The following CADPS2 variants were observed in gnomAD, a reference collection of about 807,000 sequenced individuals.
CADPS2 encodes calcium-dependent secretion activator 2.
A neutral mutation model predicts 172.5 loss-of-function variants in CADPS2; 93 were observed. The ratio of observed to expected loss-of-function variants is 0.54; its 90% CI spans 0.46 to 0.64. The LOEUF is 0.64. Among genes scored for constraint, CADPS2 ranks in the 30% least tolerant of loss-of-function variants. The pLI, the probability that CADPS2 is intolerant of heterozygous loss-of-function variation, is 0.00. For missense variants in CADPS2, 1,420 were observed against 1,565.9 expected (o/e 0.91, Z 1.57); for synonymous variants, 546 against 555.2 (o/e 0.98, Z 0.23).
intron 8 of CADPS2, among the ~76,000 whole-genome samples, chr7:122,550,571 AAC>A (rs2064150063): frequency 6.6e-6 from 1 of 152,184 alleles, no homozygotes; most frequent in African/African-American, 2.4e-5. Context: ...TAATTGTCAT[AAC>A]AGTCATTTAT....
rs5887096 is a variant in CADPS2, at chr7:122,527,416, T to TA, written c.1476-14102dup. Among the ~76,000 whole-genome samples, 145 of 145,482 alleles carry TA rather than the reference T, an allele frequency of 1.0e-3. 2 individuals carry two copies. The highest frequency in any genetic ancestry group is 3.4e-3 in the African/African-American group (133 of 39,636). ...AGATTTCTAACTCTCACTAATATGCTAAAAAAAAAAAAAACACAAAACTGT... is the reference window on the plus strand; with the variant it reads ...AGATTTCTAACTCTCACTAATATGCTAAAAAAAAAAAAAAACACAAAACTGT... On this transcript the variant is annotated intron_variant, in intron 8 of 29. Coordinates refer to ENST00000449022, the MANE Select transcript of CADPS2 (RefSeq NM_017954.11).
intron 3 of CADPS2, among the ~76,000 whole-genome samples, chr7:122,641,269 A>G (rs2077613852): frequency 6.6e-6 from 1 of 152,224 alleles, no homozygotes; most frequent in South Asian, 2.1e-4. Context: ...AGTTTCTATT[A>G]TACAGATAAT....
chr7:122,571,833 CTA>C (rs2067301505), intron 7 of CADPS2, among the ~76,000 whole-genome samples: 1 of 152,040 alleles, frequency 6.6e-6, no homozygotes, highest in Non-Finnish European at 1.5e-5. Context: ...CTCTAATTAT[CTA>C]GTTTATAAGT....
intron 3 of CADPS2, among the ~76,000 whole-genome samples, chr7:122,638,073 G>A (rs2077245978): frequency 6.6e-6 from 1 of 152,174 alleles, no homozygotes; most frequent in African/African-American, 2.4e-5. Context: ...TCAGGGGAGA[G>A]AGAGCTGACA....
intron 8 of CADPS2, among the ~76,000 whole-genome samples, chr7:122,544,659 A>C (rs1178594293): frequency 6.6e-6 from 1 of 152,138 alleles, no homozygotes; most frequent in African/African-American, 2.4e-5. Flanking sequence ...GTGTGTCCTC[A>C]TGGTGAAGGA....
chr7:122,642,542 C>T (rs370481286), intron 3 of CADPS2, among the ~76,000 whole-genome samples: 1,350 of 70,258 alleles, frequency 0.019, 11 homozygotes, highest in Non-Finnish European at 0.024. Flanking sequence ...AAGTTTCACC[C>T]AACAGCTTTT....
In CADPS2 at chr7:122,642,468, C is replaced by G. The variant is rs35577980; in HGVS notation, c.787-13140G>C. 5.0e-3 allele frequency among the ~76,000 whole-genome samples: 754 copies of G among 151,850 alleles called. 1 individual carries two copies. Among genetic ancestry groups the G allele is most frequent in the Non-Finnish European group, 8.9e-3 (608 of 67,966 alleles). On this transcript the variant is annotated intron_variant, in intron 3 of 29. Transcript: ENST00000449022. ...CAGAAGTCCTAGGGAGAACTGGAAG[C>G]CTGTGCTGGCAGCCAACTATCCTAC... is the stretch of plus-strand genomic sequence containing the variant.
At chr7:122,805,228 C>T (rs577000259) in intron 1 of CADPS2, among the ~76,000 whole-genome samples, 34 of 152,250 alleles carry the variant, frequency 2.2e-4, no homozygotes, top group African/African-American at 7.0e-4. Context: ...GGCACTATCT[C>T]GGCTCACTGC....
At chr7:122,712,783 T>C (rs970425303) in intron 2 of CADPS2, among the ~76,000 whole-genome samples, 1 of 152,216 alleles carries the variant, frequency 6.6e-6, no homozygotes, top group African/African-American at 2.4e-5. Context: ...GAGGGCTTGC[T>C]TTCTGGTTAA....
intron 9 of CADPS2, among the ~76,000 whole-genome samples, chr7:122,495,846 T>G (rs183203227): frequency 0.01 from 1,591 of 152,316 alleles, 12 homozygotes; most frequent in South Asian, 0.019. Flanking sequence ...TTGCCAACTT[T>G]GATGGGTGGG....
rs747298117 is a variant in CADPS2 at position 122,393,458 on chromosome 7, C to A, written c.2871G>T (p.Glu957Asp). 6.2e-7 allele frequency: 1 copy of A among 1,613,870 alleles called. No individual in the cohort carries two copies. The highest frequency in any genetic ancestry group is 1.1e-5 in the South Asian group (1 of 91,074). ...AQSIHRGFEQ[E>D]TWQPVKNIAN... Reference sequence around the variant, plus strand: ...ATACCTACTTGACAGGCTGCCATGTCTCCTGCTCAAAACCTCTGTGAATTG... The same window carrying A: ...ATACCTACTTGACAGGCTGCCATGTATCCTGCTCAAAACCTCTGTGAATTG... The change falls in exon 21 of 30, where the codon GAG becomes GAT. Residue 957 changes from glutamate (E) to aspartate (D), a missense_variant. By Grantham distance (45) the Glu-to-Asp change is conservative (BLOSUM62 2). Transcript: ENST00000449022.
chr7:122,785,745 C>A (rs560051074), intron 1 of CADPS2, among the ~76,000 whole-genome samples: 17 of 152,148 alleles, frequency 1.1e-4, no homozygotes, highest in Admixed American at 9.8e-4. Context: ...CTTTGAAGAC[C>A]AGGCTCTAGA....
chr7:122,672,767 C>A (rs1006813410), intron 2 of CADPS2, among the ~76,000 whole-genome samples: 1 of 152,234 alleles, frequency 6.6e-6, no homozygotes, highest in Non-Finnish European at 1.5e-5. Context: ...GAAAATGCCA[C>A]TGGGCACACA....
chr7:122,744,499 T>A (rs2092635963), intron 1 of CADPS2, among the ~76,000 whole-genome samples: 1 of 152,162 alleles, frequency 6.6e-6, no homozygotes, highest in African/African-American at 2.4e-5. Context: ...TTCCATGCTA[T>A]TTCATATGAA....
rs114279409 is a variant in CADPS2 at position 122,663,174 on chromosome 7, T to G, written c.786+63A>C. ...AGTAAAGGACATCTTCATAGGCTTGTAAATACTTCATGTTCATTCCACGAG... is the reference window on the plus strand; with the variant it reads ...AGTAAAGGACATCTTCATAGGCTTGGAAATACTTCATGTTCATTCCACGAG... On this transcript the variant is annotated intron_variant, in intron 3 of 29. Transcript: ENST00000449022. The G allele has an allele frequency of 1.7e-3, 2,030 of 1,220,556 alleles. 19 individuals are homozygous for G. In the African/African-American group the frequency reaches 0.027, roughly 16 times the overall value. 75.6% of individuals were successfully genotyped at this position (1,220,556 alleles called of 1,614,324 possible). A position where few individuals can be genotyped will look rare whatever the true frequency, so the allele number is the denominator to read the frequency against.
intron 1 of CADPS2, among the ~76,000 whole-genome samples, chr7:122,868,899 A>G (rs1818997207): frequency 6.6e-6 from 1 of 152,182 alleles, no homozygotes; most frequent in Non-Finnish European, 1.5e-5. Flanking sequence ...GAAGACTATA[A>G]TAACTGAGCT....
intron 1 of CADPS2, among the ~76,000 whole-genome samples, chr7:122,775,229 T>C (rs1289693848): frequency 6.6e-6 from 1 of 152,228 alleles, no homozygotes; most frequent in Non-Finnish European, 1.5e-5. Flanking sequence ...AGCCTAAGAC[T>C]AAAGTCTTAG....
At chr7:122,689,179 T>C (rs1262231803) in intron 2 of CADPS2, among the ~76,000 whole-genome samples, 1 of 152,088 alleles carries the variant, frequency 6.6e-6, no homozygotes, top group Non-Finnish European at 1.5e-5. Flanking sequence ...ATGCCCACCA[T>C]CTCTTCCAGG....
chr7:122,702,790 A>G, intron 2 of CADPS2: 1 of 1,413,022 alleles, frequency 7.1e-7, no homozygotes, highest in South Asian at 1.4e-5. Context: ...TGAGAAAACA[A>G]AACAACATCA....
Sources: allele counts gnomAD v4.1 joint callset (sites outside exome capture counted in the v4.1 genomes callset), GRCh38; gene constraint gnomAD v4.1.1; transcripts MANE v1.5; gene names NCBI Gene and HGNC (gene_info 2026-07-23, HGNC 2026-07-21).